The following SLC49A4 variants were observed in gnomAD, a reference collection of about 807,000 sequenced individuals.
SLC49A4 encodes solute carrier family 49 member 4.
Under a neutral mutation model 50.6 loss-of-function variants are expected in SLC49A4, and 36 were observed. That is an observed-to-expected ratio of 0.71 (90% confidence interval 0.55 to 0.94). The LOEUF is 0.94. SLC49A4 is among the 40% of genes least tolerant of loss of function. The pLI is 0.00. For synonymous variants in SLC49A4, 248 were observed against 241.2 expected (o/e 1.03, Z -0.26); for missense variants, 503 against 605.7 (o/e 0.83, Z 1.78).
rs1309181654 is a variant in SLC49A4, at chr3:122,833,386, C to G, written c.773C>G (p.Pro258Arg). The G allele has an allele frequency of 1.9e-6, 3 of 1,613,632 alleles. No homozygotes were observed. The highest frequency in any genetic ancestry group is 2.5e-6 in the Non-Finnish European group (3 of 1,179,778). ...TTCCCACCCCGACCTCCTCTTCCTC[C>G]CAGTGTTGCTGCAGCTAGCCAGCGG... Reference protein sequence around the residue: ...AYFPPRPPLPPSVAAASQRLS... With the variant: ...AYFPPRPPLPRSVAAASQRLS... The change falls in exon 4 of 9, where the codon CCC (proline) becomes CGC (arginine). Residue 258 changes from proline (P) to arginine (R), a missense_variant. Transcript: ENST00000261038.
intron 4 of SLC49A4, among the ~76,000 whole-genome samples, chr3:122,842,451 A>G (rs1166166961): frequency 1.6e-5 from 2 of 124,414 alleles, no homozygotes; most frequent in South Asian, 2.7e-4. Flanking sequence ...GCGCCACTGC[A>G]CTCCAGCCTG....
At chr3:122,876,987 A>G (rs1937275190) in intron 8 of SLC49A4, among the ~76,000 whole-genome samples, 1 of 152,198 alleles carries the variant, frequency 6.6e-6, no homozygotes, top group East Asian at 1.9e-4. Context: ...TATTTTATCT[A>G]GTGAAAGGCA....
At chr3:122,848,381 A>G (rs762145819) in intron 5 of SLC49A4, among the ~76,000 whole-genome samples, 4 of 152,162 alleles carry the variant, frequency 2.6e-5, no homozygotes, top group Non-Finnish European at 4.4e-5. Flanking sequence ...TGTGTTATTT[A>G]TACTAGTGTT....
intron 7 of SLC49A4, among the ~76,000 whole-genome samples, chr3:122,863,690 C>G (rs1937082847): frequency 1.3e-5 from 2 of 152,176 alleles, no homozygotes; most frequent in African/African-American, 4.8e-5. Flanking sequence ...TTTTACTGGT[C>G]ATTCCTATTT....
chr3:122,858,180 A>G (rs1937011258), intron 6 of SLC49A4, among the ~76,000 whole-genome samples: 1 of 152,226 alleles, frequency 6.6e-6, no homozygotes, highest in Non-Finnish European at 1.5e-5. Context: ...CTTCGTCCTA[A>G]TAATACACTT....
chr3:122,813,325 G>A (rs774538583), intron 2 of SLC49A4, among the ~76,000 whole-genome samples: 15 of 150,752 alleles, frequency 1.0e-4, no homozygotes, highest in East Asian at 5.8e-4. Context: ...TTTGAAATAC[G>A]GTTATTTATG....
At chr3:122,841,051 T>C (rs1936763003) in intron 4 of SLC49A4, among the ~76,000 whole-genome samples, 1 of 152,204 alleles carries the variant, frequency 6.6e-6, no homozygotes, top group Non-Finnish European at 1.5e-5. Flanking sequence ...CAAACAGTTT[T>C]ATAGCTGGCC....
intron 7 of SLC49A4, among the ~76,000 whole-genome samples, chr3:122,866,845 G>A (rs1028044064): frequency 1.3e-5 from 2 of 151,896 alleles, no homozygotes; most frequent in African/African-American, 4.8e-5. Context: ...CTAGAATTTA[G>A]CACACTTTTC....
chr3:122,815,427 A>AC (rs972733676), intron 2 of SLC49A4, among the ~76,000 whole-genome samples: 1 of 152,122 alleles, frequency 6.6e-6, no homozygotes, highest in African/African-American at 2.4e-5. Context: ...TTGGTTGCAG[A>AC]CTTAAAACTT....
At chr3:122,800,918 A>T (rs1226504368) in intron 1 of SLC49A4, among the ~76,000 whole-genome samples, 1 of 152,222 alleles carries the variant, frequency 6.6e-6, no homozygotes, top group East Asian at 1.9e-4. Flanking sequence ...ACGAAATTGT[A>T]GTAGGATTCT....
chr3:122,833,591 T>A, intron 4 of SLC49A4, 145 bp downstream of exon 4: 1 of 757,192 alleles, frequency 1.3e-6, no homozygotes, highest in Admixed American at 3.7e-5. Context: ...TTGAATATTT[T>A]AGATTTCCTA....
At chr3:122,811,896 G>GAA (rs1936305249) in intron 2 of SLC49A4, among the ~76,000 whole-genome samples, 1 of 152,092 alleles carries the variant, frequency 6.6e-6, no homozygotes, top group South Asian at 2.1e-4. Flanking sequence ...AGAAGTCTGA[G>GAA]GTGGAAAGGA....
At chr3:122,809,020 G>A (rs1576291750) in intron 2 of SLC49A4, among the ~76,000 whole-genome samples, 1 of 152,130 alleles carries the variant, frequency 6.6e-6, no homozygotes, top group Admixed American at 6.5e-5. Flanking sequence ...TGATATGCTG[G>A]AAGTTTCACT....
intron 4 of SLC49A4, among the ~76,000 whole-genome samples, chr3:122,834,011 A>G (rs1936641683): frequency 6.6e-6 from 1 of 152,090 alleles, no homozygotes; most frequent in Admixed American, 6.5e-5. Flanking sequence ...ATTAAACTCT[A>G]CTCTTGAAGG....
At position 122,872,506 on chromosome 3, in the gene SLC49A4, A is replaced by G. The variant is rs996533799; in HGVS notation, c.1230A>G (p.Pro410=). 6.2e-7 allele frequency: 1 copy of G among 1,613,392 alleles called. No individual in the cohort carries two copies. The highest frequency in any genetic ancestry group is 1.7e-5 in the Admixed American group (1 of 60,014). The change falls in exon 8 of 9, where the codon CCA becomes CCG. Residue 410 remains proline (P), a synonymous_variant. Transcript: ENST00000261038. ...AGCTTTTTGTGGAAACTGTCTACCCAGTTCCAGAAGGAATTACTTGTGGAG... is the reference window on the plus strand; with the variant it reads ...AGCTTTTTGTGGAAACTGTCTACCCGGTTCCAGAAGGAATTACTTGTGGAG... The part of the protein sequence containing the change: ...FFELFVETVY[P]VPEGITCGVV...
rs142901986 is a variant in SLC49A4, at chr3:122,823,480, T to C, written c.438-3320T>C. 1.2e-3 allele frequency among the ~76,000 whole-genome samples: 178 copies of C among 152,380 alleles called. 1 individual carries two copies. The highest frequency in any genetic ancestry group is 4.1e-3 in the African/African-American group (170 of 41,590). On this transcript the variant is annotated intron_variant, in intron 2 of 8. Coordinates refer to ENST00000261038, the MANE Select transcript of SLC49A4 (RefSeq NM_032839.3). ...TTTCTTTATATTCCTGCTACAGTGC[T>C]AGTATCACTGTACTTTTAGGGATTC...
intron 7 of SLC49A4, among the ~76,000 whole-genome samples, chr3:122,866,244 G>T (rs539878893): frequency 4.9e-5 from 7 of 142,114 alleles, no homozygotes; most frequent in African/African-American, 1.9e-4. Flanking sequence ...GTTTCGCCAC[G>T]TTGTCCAGGC....
Position 122,879,561 on chromosome 3 carries a change from TG to T in SLC49A4, c.*184del, listed in dbSNP as rs1252464608. 3 of 507,826 alleles carry T rather than the reference TG, an allele frequency of 5.9e-6. No individual in the cohort carries two copies. Among genetic ancestry groups the T allele is most frequent in the Non-Finnish European group, 1.0e-5 (3 of 289,966 alleles). 31.5% of individuals were successfully genotyped at this position (507,826 alleles called of 1,614,324 possible). ...TACTAGGTAATAATAATGGGAGACT[TG>T]AGTGATAATAGGGGATTTTAAAACT... On this transcript the variant is annotated 3_prime_UTR_variant, in exon 9 of 9. Transcript: ENST00000261038.
At chr3:122,805,881 A>G (rs947437345) in intron 1 of SLC49A4, among the ~76,000 whole-genome samples, 4 of 152,244 alleles carry the variant, frequency 2.6e-5, no homozygotes, top group Non-Finnish European at 4.4e-5. Context: ...GGAAAAAACT[A>G]TGTGATCCAC....
Sources: gnomAD v4.1 joint callset for allele counts (sites outside exome capture counted in the v4.1 genomes callset) on GRCh38, gnomAD v4.1.1 for gene constraint, MANE v1.5 for transcripts, NCBI Gene and HGNC (gene_info 2026-07-23, HGNC 2026-07-21) for gene names.